COX7B2: variants seen among roughly 807,000 people sequenced by gnomAD.
COX7B2 encodes cytochrome c oxidase subunit 7B2, mitochondrial.
For synonymous variants in COX7B2, 37 were observed against 32.1 expected, an observed-to-expected ratio of 1.15 and a Z score of -0.51; for missense variants, 109 against 95.9, an observed-to-expected ratio of 1.14 and a Z score of -0.57.
At chr4:46,760,657 C>T (rs952461777) in intron 2 of COX7B2, among the ~76,000 whole-genome samples, 21 of 151,834 alleles carry the variant, frequency 1.4e-4, no homozygotes, top group Admixed American at 5.9e-4. Context: ...TGTATACCTA[C>T]GTAACAAACC....
At chr4:46,763,029 T>C (rs1468860628) in intron 2 of COX7B2, among the ~76,000 whole-genome samples, 1 of 131,402 alleles carries the variant, frequency 7.6e-6, no homozygotes, top group Non-Finnish European at 1.6e-5. Context: ...TATAATATAA[T>C]ATAATATATA....
intron 1 of COX7B2, among the ~76,000 whole-genome samples, chr4:46,879,247 C>A (rs1199392146): frequency 6.6e-6 from 1 of 151,988 alleles, no homozygotes; most frequent in Non-Finnish European, 1.5e-5. Context: ...CCTAACTCAG[C>A]CTTCCAAGTA....
intron 2 of COX7B2, among the ~76,000 whole-genome samples, chr4:46,789,446 A>G (rs1471594327): frequency 6.6e-6 from 1 of 152,198 alleles, no homozygotes; most frequent in Non-Finnish European, 1.5e-5. Context: ...AACACTGTTT[A>G]TTTAATAAAA....
chr4:46,843,142 C>G (rs1716049835), intron 2 of COX7B2, among the ~76,000 whole-genome samples: 1 of 151,996 alleles, frequency 6.6e-6, no homozygotes, highest in East Asian at 1.9e-4. Context: ...TTGCATTTCT[C>G]TGATGGCCAC....
chr4:46,907,526 A>G (rs969306036), intron 1 of COX7B2, among the ~76,000 whole-genome samples: 3 of 152,070 alleles, frequency 2.0e-5, no homozygotes, highest in Admixed American at 6.6e-5. Context: ...CTCATCCTCA[A>G]TTTATGAAGA....
intron 2 of COX7B2, among the ~76,000 whole-genome samples, chr4:46,789,239 A>G (rs1030173698): frequency 6.6e-6 from 1 of 152,140 alleles, no homozygotes; most frequent in Non-Finnish European, 1.5e-5. Context: ...TCCTTTGACT[A>G]TTTAATTGTC....
intron 2 of COX7B2, among the ~76,000 whole-genome samples, chr4:46,754,814 CCAA>C (rs546842444): frequency 1.8e-3 from 260 of 146,034 alleles, no homozygotes; most frequent in African/African-American, 6.4e-3. Context: ...AAATTTCTCA[CCAA>C]CAAGAAAGCC....
chr4:46,802,734 T>C (rs1718724167), intron 2 of COX7B2, among the ~76,000 whole-genome samples: 1 of 152,188 alleles, frequency 6.6e-6, no homozygotes, highest in Admixed American at 6.5e-5. Context: ...AAGTGTCTCA[T>C]GCATTGGTTA....
chr4:46,799,857 C>T (rs1184539969), intron 2 of COX7B2, among the ~76,000 whole-genome samples: 1 of 152,180 alleles, frequency 6.6e-6, no homozygotes, highest in Non-Finnish European at 1.5e-5. Context: ...CAAAATAATG[C>T]TTCATAAAAT....
chr4:46,843,589 A>G (rs1716079837), intron 2 of COX7B2, among the ~76,000 whole-genome samples: 1 of 152,028 alleles, frequency 6.6e-6, no homozygotes, highest in Non-Finnish European at 1.5e-5. Flanking sequence ...TATTGTACTG[A>G]GCTTATGGTT....
intron 2 of COX7B2, among the ~76,000 whole-genome samples, chr4:46,746,958 G>A (rs1209731697): frequency 6.6e-6 from 1 of 152,186 alleles, no homozygotes; most frequent in African/African-American, 2.4e-5. Flanking sequence ...AGAAGAGGCA[G>A]ATAATGATAA....
At chr4:46,894,149 A>T (rs948834713) in intron 1 of COX7B2, among the ~76,000 whole-genome samples, 23 of 152,338 alleles carry the variant, frequency 1.5e-4, no homozygotes, top group African/African-American at 5.0e-4. Context: ...TCTTCACAGA[A>T]CTAGAAAAAA....
At chr4:46,833,892 A>G (rs185191374) in intron 2 of COX7B2, among the ~76,000 whole-genome samples, 5 of 152,320 alleles carry the variant, frequency 3.3e-5, no homozygotes, top group African/African-American at 1.2e-4. Context: ...ATTCTATGAA[A>G]AACATTTAAG....
Position 46,735,101 on chromosome 4 carries a change from G to A in COX7B2, c.92C>T (p.Ser31Leu), listed in dbSNP as rs571761753. 25 of 1,614,004 alleles carry A rather than the reference G, an allele frequency of 1.5e-5. No individual in the cohort carries two copies. The highest frequency in any genetic ancestry group is 1.9e-5 in the Non-Finnish European group (22 of 1,179,928). The change falls in exon 3 of 3, where the codon TCA (serine) becomes TTA (leucine). Residue 31 changes from serine (S) to leucine (L), a missense_variant. Physicochemically the swap from Ser to Leu is moderately radical, Grantham distance 145. Coordinates refer to ENST00000355591, the MANE Select transcript of COX7B2 (RefSeq NM_130902.3). Reference protein sequence around the residue: ...SMARHSHVKHSPDFHDKYGNA... With the variant: ...SMARHSHVKHLPDFHDKYGNA... ...ACCATATTTATCATGAAAATCTGGT[G>A]AGTGTTTTACATGGCTATGTCTTGC...
chr4:46,819,172 C>A (rs1714088663), intron 2 of COX7B2, among the ~76,000 whole-genome samples: 1 of 152,102 alleles, frequency 6.6e-6, no homozygotes. Flanking sequence ...TAAATGACCA[C>A]TTCTCATGCA....
rs79224837 is a variant in COX7B2, at chr4:46,845,595, C to A, written c.-104-581G>T. Among the ~76,000 whole-genome samples the A allele has an allele frequency of 4.5e-3, 681 of 151,882 alleles. 6 individuals are homozygous for A. Among genetic ancestry groups the A allele is most frequent in the African/African-American group, 0.016 (657 of 41,408 alleles). Reference sequence around the variant, plus strand: ...TATTTACTACTTTAGAGTATATGTGCATAACAGAAAGTCCCACCCAAAAAG... The same window carrying A: ...TATTTACTACTTTAGAGTATATGTGAATAACAGAAAGTCCCACCCAAAAAG... On this transcript the variant is annotated intron_variant, in intron 1 of 2. Transcript: ENST00000355591.
chr4:46,834,268 T>C (rs893067800), intron 2 of COX7B2, among the ~76,000 whole-genome samples: 3 of 152,082 alleles, frequency 2.0e-5, no homozygotes, highest in Admixed American at 1.3e-4. Context: ...ACATTGATTC[T>C]GGAGTTCAGA....
At chr4:46,815,175 CAAAA>C (rs760743513) in intron 2 of COX7B2, among the ~76,000 whole-genome samples, 1 of 75,018 alleles carries the variant, frequency 1.3e-5, no homozygotes, top group Non-Finnish European at 2.7e-5. Context: ...GACTCTGTCT[CAAAA>C]AAAAAAAAAA....
chr4:46,795,151 C>T (rs1718258380), intron 2 of COX7B2, among the ~76,000 whole-genome samples: 1 of 131,184 alleles, frequency 7.6e-6, no homozygotes, highest in Non-Finnish European at 1.6e-5. Context: ...TTGTAGGTTG[C>T]CTGTTCACTC....
Sources: allele counts gnomAD v4.1 joint callset (sites outside exome capture counted in the v4.1 genomes callset), GRCh38; gene constraint gnomAD v4.1.1; transcripts MANE v1.5; gene names NCBI Gene and HGNC (gene_info 2026-07-23, HGNC 2026-07-21).